Variants in MAP3K21 observed in about 807,000 individuals in gnomAD.
MAP3K21 encodes mitogen-activated protein kinase kinase kinase 21.
MAP3K21 carries 63 observed loss-of-function variants against 86.1 expected under a neutral mutation model. That is an observed-to-expected ratio of 0.73 (90% CI 0.60 to 0.90). The LOEUF (loss-of-function observed/expected upper bound fraction) is 0.90. MAP3K21 is among the 40% of genes least tolerant of loss of function. The pLI, the probability that MAP3K21 is intolerant of heterozygous loss-of-function variation, is 0.00. For missense variants in MAP3K21, 1,220 were observed against 1,367.7 expected, an observed-to-expected ratio of 0.89 and a Z score of 1.70; for synonymous variants, 558 against 564.8, an observed-to-expected ratio of 0.99 and a Z score of 0.17.
At chr1:233,349,981 C>T (rs1294262) in intron 2 of MAP3K21, among the ~76,000 whole-genome samples, 10,035 of 151,770 alleles carry the variant, frequency 0.066, 402 homozygotes, top group Middle Eastern at 0.13. Flanking sequence ...AGAAATGGTC[C>T]TCTGTATTTA....
chr1:233,353,866 G>A lies in MAP3K21; in HGVS notation c.1046G>A (p.Gly349Asp), dbSNP rs1374749037. Residue 349 changes from glycine (G) to aspartate (D), a missense_variant, in exon 3 of 10, where the codon GGC becomes GAC. Coordinates refer to ENST00000366624, the MANE Select transcript of MAP3K21 (RefSeq NM_032435.3). Reference protein sequence around the residue: ...TGEVPYRGIDGLAVAYGVAVN... With the variant: ...TGEVPYRGIDDLAVAYGVAVN... ...GAAGTCCCCTATCGGGGCATTGATG[G>A]CCTCGCCGTGGCTTATGGGGTAGCA... 12 of 1,613,168 alleles carry A rather than the reference G, an allele frequency of 7.4e-6. No homozygotes were observed. Among genetic ancestry groups the A allele is most frequent in the African/African-American group, 1.3e-5 (1 of 74,874 alleles).
intron 1 of MAP3K21, among the ~76,000 whole-genome samples, chr1:233,332,243 G>A (rs1342093806): frequency 2.0e-5 from 3 of 152,102 alleles, no homozygotes; most frequent in Admixed American, 6.5e-5. Flanking sequence ...TGGCAGTCAC[G>A]TAATAACAAA....
intron 6 of MAP3K21, among the ~76,000 whole-genome samples, chr1:233,375,616 CAATGAAATCCT>C (rs1663778038): frequency 6.6e-6 from 1 of 152,142 alleles, no homozygotes; most frequent in Non-Finnish European, 1.5e-5. Flanking sequence ...CTCCCAATTA[CAATGAAATCCT>C]AATTGTTGCA....
intron 9 of MAP3K21, 31 bp from the exon 10 acceptor site, chr1:233,382,274 A>G (rs1479998536): frequency 1.3e-6 from 2 of 1,566,124 alleles, no homozygotes; most frequent in East Asian, 4.5e-5. Flanking sequence ...TTTTCTTTCT[A>G]ACTGCATACT....
In MAP3K21 at chr1:233,328,321, C is replaced by T. The variant is rs749308249; in HGVS notation, c.293C>T (p.Ala98Val). 1 of 1,476,688 alleles carries T rather than the reference C, an allele frequency of 6.8e-7. No individual in the cohort carries two copies. Among genetic ancestry groups the T allele is most frequent in the South Asian group, 1.3e-5 (1 of 77,724 alleles). The allele number at this position is 1,476,688 out of a possible 1,614,324, so 91.5% of individuals were successfully genotyped here. ...RLGIFPANYVAPCRPAASPAP... is the reference protein window; with the variant it reads ...RLGIFPANYVVPCRPAASPAP... ...GGCATCTTCCCCGCCAACTACGTGG[C>T]TCCCTGCCGCCCGGCCGCCAGCCCC... is the stretch of plus-strand genomic sequence containing the variant. The change falls in exon 1 of 10, where the codon GCT becomes GTT. Residue 98 changes from alanine (A) to valine (V), a missense_variant. Physicochemically the swap from Ala to Val is moderately conservative, Grantham distance 64. Coordinates refer to ENST00000366624, the MANE Select transcript of MAP3K21 (RefSeq NM_032435.3). The surrounding 1 kb of genome is among the most constrained non-coding windows in gnomAD (Gnocchi z 8.7).
At position 233,327,734 on chromosome 1, in the gene MAP3K21, CTGGCTAAGGAGCG is replaced by C. The variant is rs1662718720; in HGVS notation, c.-294_-282del. The C allele has an allele frequency of 4.2e-6, 1 of 237,314 alleles. No homozygotes were observed. The highest frequency in any genetic ancestry group is 1.8e-4 in the South Asian group (1 of 5,546). The allele number at this position is 237,314 out of a possible 1,614,324, so 14.7% of individuals were successfully genotyped here. The stretch of plus-strand genomic sequence containing the variant: ...AGGGTGGGGTGGGGCGTCCCAGGCT[CTGGCTAAGGAGCG>C]CGCGGCGGGCGGGCCGGCCGCAGGG... On this transcript the variant is annotated 5_prime_UTR_variant, in exon 1 of 10. Coordinates refer to ENST00000366624, the MANE Select transcript of MAP3K21 (RefSeq NM_032435.3).
intron 3 of MAP3K21, among the ~76,000 whole-genome samples, chr1:233,354,416 G>A (rs763970069): frequency 1.3e-5 from 2 of 152,074 alleles, no homozygotes; most frequent in Non-Finnish European, 2.9e-5. Context: ...TTCATTGTTA[G>A]GCTATTTTTG....
At chr1:233,354,060 G>A in intron 3 of MAP3K21, 105 bp downstream of exon 3, 1 of 1,239,196 alleles carries the variant, frequency 8.1e-7, no homozygotes, top group Non-Finnish European at 1.1e-6. Flanking sequence ...TAATTTCCAA[G>A]TACTTTTAAG....
intron 1 of MAP3K21, among the ~76,000 whole-genome samples, chr1:233,334,575 G>A (rs1382886678): frequency 1.5e-5 from 2 of 137,712 alleles, no homozygotes; most frequent in Admixed American, 1.6e-4. Context: ...GGTGTAACTA[G>A]AATGAAAAGT....
intron 5 of MAP3K21, among the ~76,000 whole-genome samples, chr1:233,364,145 A>G (rs924668504): frequency 4.6e-5 from 7 of 152,050 alleles, no homozygotes; most frequent in African/African-American, 1.7e-4. Context: ...TTTTACCTTC[A>G]ACCTCTCTGG....
chr1:233,355,000 A>G lies in MAP3K21; in HGVS notation c.1300A>G (p.Thr434Ala), dbSNP rs1009341796. 7 of 1,610,558 alleles carry G rather than the reference A, an allele frequency of 4.3e-6. No individual in the cohort carries two copies. The African/African-American group carries it at 8.0e-5, about 18-fold the overall frequency. Reference sequence around the variant, plus strand: ...TCAACAAATGTTTGATGAGTTGAGAACAAAGGAAAAGGTGAGAGAAATTTT... The same window carrying G: ...TCAACAAATGTTTGATGAGTTGAGAGCAAAGGAAAAGGTGAGAGAAATTTT... ...EIQQMFDELRTKEKELRSREE... is the reference protein window; with the variant it reads ...EIQQMFDELRAKEKELRSREE... Residue 434 changes from threonine to alanine, a missense_variant, in exon 4 of 10, where the codon ACA becomes GCA. Thr to Ala is a moderately conservative substitution (Grantham distance 58). Around this residue, in one of 5 missense-constraint regions of MAP3K21, gnomAD observed 126 missense variants for 127.7 expected, o/e 0.99. Transcript: ENST00000366624.
chr1:233,348,773 G>T (rs1663195352), intron 2 of MAP3K21, among the ~76,000 whole-genome samples: 1 of 151,896 alleles, frequency 6.6e-6, no homozygotes, highest in Admixed American at 6.6e-5. Context: ...TTACATAAAA[G>T]AAAACTGGGA....
chr1:233,360,599 A>G (rs1256890034), intron 4 of MAP3K21, among the ~76,000 whole-genome samples: 1 of 152,228 alleles, frequency 6.6e-6, no homozygotes, highest in East Asian at 1.9e-4. Context: ...TTTCTTTATT[A>G]TTAGCTCTCC....
At chr1:233,360,199 C>T (rs1663440861) in intron 4 of MAP3K21, among the ~76,000 whole-genome samples, 1 of 152,104 alleles carries the variant, frequency 6.6e-6, no homozygotes, top group South Asian at 2.1e-4. Context: ...TGAAAGGTGA[C>T]TGGAAATTAT....
intron 6 of MAP3K21, among the ~76,000 whole-genome samples, chr1:233,375,597 G>A (rs1264352698): frequency 6.6e-6 from 1 of 152,122 alleles, no homozygotes; most frequent in African/African-American, 2.4e-5. Flanking sequence ...GTTTAGTTTG[G>A]TGATTTCCCT....
intron 5 of MAP3K21, 60 bp from the exon 6 acceptor site, chr1:233,371,978 A>C (rs1663692961): frequency 1.1e-5 from 17 of 1,561,776 alleles, no homozygotes; most frequent in Middle Eastern, 3.4e-4. Flanking sequence ...TGCTAAATAC[A>C]TGGCTATGAA....
At chr1:233,334,216 G>C (rs916966126) in intron 1 of MAP3K21, among the ~76,000 whole-genome samples, 2 of 149,194 alleles carry the variant, frequency 1.3e-5, no homozygotes, top group African/African-American at 2.5e-5. Flanking sequence ...AGCCCAGGCT[G>C]GTCTCAAACT....
chr1:233,382,059 G>A (rs1157375994), intron 9 of MAP3K21, among the ~76,000 whole-genome samples: 4 of 152,160 alleles, frequency 2.6e-5, no homozygotes, highest in Admixed American at 6.5e-5. Flanking sequence ...ACTTCAGCCA[G>A]GTGTGGTGGC....
chr1:233,328,313 C>A lies in MAP3K21; in HGVS notation c.285C>A (p.Asn95Lys). ...GGCGCCTCGGCATCTTCCCCGCCAA[C>A]TACGTGGCTCCCTGCCGCCCGGCCG... ...VQRRLGIFPANYVAPCRPAAS... is the reference protein window; with the variant it reads ...VQRRLGIFPAKYVAPCRPAAS... Residue 95 changes from asparagine to lysine, a missense_variant, in exon 1 of 10, where the codon AAC (asparagine) becomes AAA (lysine). Transcript: ENST00000366624. This position sits in a 1 kb window ranked among gnomAD's most constrained non-coding sequence, Gnocchi z 8.7. The A allele has an allele frequency of 6.8e-7, 1 of 1,478,802 alleles. No individual in the cohort carries two copies. The allele number at this position is 1,478,802 out of a possible 1,614,324, so 91.6% of individuals were successfully genotyped here.
Sources: allele counts gnomAD v4.1 joint callset (sites outside exome capture counted in the v4.1 genomes callset), GRCh38; gene constraint gnomAD v4.1.1; regional missense constraint gnomAD v4.1.1; non-coding constraint Gnocchi (gnomAD v3.1); transcripts MANE v1.5; gene names NCBI Gene and HGNC (gene_info 2026-07-23, HGNC 2026-07-21).